Variants in USP34 observed in about 807,000 individuals in gnomAD.
USP34 encodes ubiquitin carboxyl-terminal hydrolase 34.
USP34 carries 70 observed loss-of-function variants against 460.3 expected under a neutral mutation model. The ratio of observed to expected loss-of-function variants is 0.15; its 90% CI spans 0.13 to 0.19. The LOEUF is 0.19. USP34 is among the 10% of genes least tolerant of loss of function. The probability of loss-of-function intolerance (pLI) is 1.00; values close to 1 mark genes in which losing one functional copy is unlikely to be tolerated. For missense variants in USP34, 3,985 were observed against 4,236.2 expected, an observed-to-expected ratio of 0.94 and a Z score of 1.65; for synonymous variants, 1,647 against 1,405.3, an observed-to-expected ratio of 1.17 and a Z score of -3.85.
At chr2:61,211,374 G>A (rs1687268656) in intron 69 of USP34, among the ~76,000 whole-genome samples, 1 of 152,172 alleles carries the variant, frequency 6.6e-6, no homozygotes, top group African/African-American at 2.4e-5. Flanking sequence ...TTTTGGCCAA[G>A]TCATATAGAT....
chr2:61,281,079 T>C lies in USP34; in HGVS notation c.5151+11A>G. 1 of 1,612,030 alleles carries C rather than the reference T, an allele frequency of 6.2e-7. No homozygotes were observed. Among genetic ancestry groups the C allele is most frequent in the South Asian group, 1.1e-5 (1 of 90,830 alleles). On this transcript the variant is annotated intron_variant, in intron 38 of 79. Coordinates refer to ENST00000398571, the MANE Select transcript of USP34 (RefSeq NM_014709.4). ...AAATAGAAACTGCTTCTAAACACAGTAAAATCTTACCCTAATAGGTTTGAG... is the reference window on the plus strand; with the variant it reads ...AAATAGAAACTGCTTCTAAACACAGCAAAATCTTACCCTAATAGGTTTGAG...
chr2:61,191,315 C>T (rs1025811000), intron 76 of USP34: 19 of 151,974 alleles, frequency 1.3e-4, no homozygotes, highest in African/African-American at 4.6e-4. Flanking sequence ...AGATACACTC[C>T]ATAGATTTAA....
intron 2 of USP34, among the ~76,000 whole-genome samples, chr2:61,413,094 G>C (rs1339023361): frequency 6.6e-6 from 1 of 152,044 alleles, no homozygotes; most frequent in African/African-American, 2.4e-5. Context: ...TTCAGGGAGA[G>C]TAATTAAGAG....
chr2:61,276,154 A>G (rs1054734780), intron 41 of USP34, among the ~76,000 whole-genome samples: 2 of 152,224 alleles, frequency 1.3e-5, no homozygotes, highest in Non-Finnish European at 1.5e-5. Context: ...TCTCAGTGAC[A>G]TAAGAATCTG....
At chr2:61,444,411 A>C (rs1310040013) in intron 1 of USP34, among the ~76,000 whole-genome samples, 2 of 152,224 alleles carry the variant, frequency 1.3e-5, no homozygotes, top group Non-Finnish European at 2.9e-5. Flanking sequence ...GTATGAAGAC[A>C]CAAAAGCCAA....
At chr2:61,324,810 A>AT (rs1691034585) in intron 21 of USP34, among the ~76,000 whole-genome samples, 1 of 152,126 alleles carries the variant, frequency 6.6e-6, no homozygotes, top group South Asian at 2.1e-4. Flanking sequence ...CTAAAAAAAA[A>AT]TTTTTAATTT....
At chr2:61,398,134 G>A (rs894746237) in intron 3 of USP34, among the ~76,000 whole-genome samples, 1 of 152,040 alleles carries the variant, frequency 6.6e-6, no homozygotes, top group African/African-American at 2.4e-5. Flanking sequence ...AGCACTGTGG[G>A]AGGCTGACTG....
chr2:61,459,821 A>C (rs1449382047), intron 1 of USP34, among the ~76,000 whole-genome samples: 1 of 150,534 alleles, frequency 6.6e-6, no homozygotes, highest in Non-Finnish European at 1.5e-5. Context: ...GCACTTTGGG[A>C]GGCCAAGGTG....
intron 20 of USP34, among the ~76,000 whole-genome samples, chr2:61,328,018 C>CA (rs1386880407): frequency 2.6e-5 from 4 of 152,180 alleles, no homozygotes; most frequent in African/African-American, 9.7e-5. Flanking sequence ...GAACATACTA[C>CA]AGGTGCAGTG....
chr2:61,237,922 G>A (rs1395049612), intron 53 of USP34, among the ~76,000 whole-genome samples: 2 of 151,174 alleles, frequency 1.3e-5, no homozygotes, highest in Admixed American at 1.3e-4. Flanking sequence ...TTTGAGACAA[G>A]TTTCGTTCTT....
intron 8 of USP34, among the ~76,000 whole-genome samples, chr2:61,375,772 A>T (rs1420717801): frequency 1.7e-5 from 1 of 57,572 alleles, no homozygotes; most frequent in East Asian, 4.3e-4. Flanking sequence ...CTGTCTCAAA[A>T]AAAAAAAAAA....
At chr2:61,318,576 C>G (rs972432962) in intron 22 of USP34, among the ~76,000 whole-genome samples, 1 of 152,150 alleles carries the variant, frequency 6.6e-6, no homozygotes, top group South Asian at 2.1e-4. Flanking sequence ...ATAAAAAAGT[C>G]TTACTGCATT....
intron 1 of USP34, among the ~76,000 whole-genome samples, chr2:61,439,692 G>A (rs1205776782): frequency 2.0e-5 from 3 of 152,294 alleles, no homozygotes; most frequent in Non-Finnish European, 2.9e-5. Context: ...ACCTTGGCAT[G>A]TTTCTAAGAG....
At chr2:61,355,065 A>T (rs1572962801) in intron 10 of USP34, among the ~76,000 whole-genome samples, 1 of 152,306 alleles carries the variant, frequency 6.6e-6, no homozygotes, top group East Asian at 1.9e-4. Flanking sequence ...GCAATGAATT[A>T]TCCCTGTGTT....
intron 43 of USP34, among the ~76,000 whole-genome samples, chr2:61,264,953 A>T (rs1227154190): frequency 6.6e-6 from 1 of 152,242 alleles, no homozygotes; most frequent in African/African-American, 2.4e-5. Flanking sequence ...TTACACAAAC[A>T]AATTAGGTCC....
rs527847234 is a variant in USP34, at chr2:61,206,753, A to G, written c.9046+7T>C. On this transcript the variant is annotated splice_region_variant and intron_variant, in intron 71 of 79. Coordinates refer to ENST00000398571, the MANE Select transcript of USP34 (RefSeq NM_014709.4). ...GAACAAAACATAAGAAGTAGGAATGAGCAAACCTTTTCTCTGAAGATAAGG... is the reference window on the plus strand; with the variant it reads ...GAACAAAACATAAGAAGTAGGAATGGGCAAACCTTTTCTCTGAAGATAAGG... 1 of 1,612,802 alleles carries G rather than the reference A, an allele frequency of 6.2e-7. No homozygotes were observed. The highest frequency in any genetic ancestry group is 1.1e-5 in the South Asian group (1 of 90,836).
chr2:61,419,830 A>G (rs1425426838), intron 2 of USP34, among the ~76,000 whole-genome samples: 1 of 152,192 alleles, frequency 6.6e-6, no homozygotes, highest in Non-Finnish European at 1.5e-5. Flanking sequence ...CATCTAGTCC[A>G]TCCCTAATGC....
chr2:61,313,653 G>C (rs1159598475), intron 25 of USP34, among the ~76,000 whole-genome samples: 1 of 152,068 alleles, frequency 6.6e-6, no homozygotes, highest in East Asian at 1.9e-4. Context: ...GCAGTAAGAA[G>C]TTTCTGTGTA....
chr2:61,234,462 C>G (rs937273489), intron 57 of USP34, among the ~76,000 whole-genome samples: 1 of 152,056 alleles, frequency 6.6e-6, no homozygotes, highest in African/African-American at 2.4e-5. Flanking sequence ...CAGGCATAAA[C>G]TGATCTACTG....
Sources: gnomAD v4.1 joint callset for allele counts (sites outside exome capture counted in the v4.1 genomes callset) on GRCh38, gnomAD v4.1.1 for gene constraint, MANE v1.5 for transcripts, NCBI Gene and HGNC (gene_info 2026-07-23, HGNC 2026-07-21) for gene names.